Variants in TMEM108 observed in about 807,000 individuals in gnomAD.
The protein encoded by TMEM108 is cancer/testis antigen 124.
Under a neutral mutation model 35.1 loss-of-function variants are expected in TMEM108, and 12 were observed. The observed-to-expected ratio is 0.34, with a 90% CI of 0.22 to 0.55. TMEM108 has a LOEUF of 0.55. Among genes scored for constraint, TMEM108 ranks in the 20% least tolerant of loss-of-function variants. The pLI, the probability that TMEM108 is intolerant of heterozygous loss-of-function variation, is 0.89. For synonymous variants in TMEM108, 287 were observed against 308.6 expected (o/e 0.93, Z 0.73); for missense variants, 680 against 753.3 (o/e 0.90, Z 1.14).
At chr3:133,360,218 C>T (rs1215768806) in intron 3 of TMEM108, among the ~76,000 whole-genome samples, 1 of 151,998 alleles carries the variant, frequency 6.6e-6, no homozygotes, top group Non-Finnish European at 1.5e-5. Flanking sequence ...TGTAAAGGGA[C>T]ACAAGGGAAC....
At chr3:133,225,936 G>A (rs1946063824) in intron 2 of TMEM108, among the ~76,000 whole-genome samples, 1 of 152,200 alleles carries the variant, frequency 6.6e-6, no homozygotes, top group Admixed American at 6.5e-5. Context: ...CACAGTCTCA[G>A]GAGGTCCTTA....
chr3:133,362,040 G>A (rs529305804), intron 3 of TMEM108, among the ~76,000 whole-genome samples: 6 of 152,170 alleles, frequency 3.9e-5, no homozygotes, highest in Admixed American at 3.3e-4. Flanking sequence ...TCTATAATTA[G>A]CATTATTAGT....
chr3:133,315,559 G>A (rs1576451261), intron 3 of TMEM108, among the ~76,000 whole-genome samples: 1 of 152,152 alleles, frequency 6.6e-6, no homozygotes, highest in African/African-American at 2.4e-5. Context: ...CAGACAAGAT[G>A]GGGACACTAA....
chr3:133,084,993 G>A (rs1188356490), intron 2 of TMEM108, among the ~76,000 whole-genome samples: 2 of 152,166 alleles, frequency 1.3e-5, no homozygotes, highest in African/African-American at 4.8e-5. Flanking sequence ...CCAGACAGTC[G>A]TCTTCACTAA....
At chr3:133,187,845 T>G (rs1945442247) in intron 2 of TMEM108, among the ~76,000 whole-genome samples, 1 of 146,824 alleles carries the variant, frequency 6.8e-6, no homozygotes, top group African/African-American at 2.5e-5. Context: ...CCTTCTAGAT[T>G]GCTTTAAACT....
rs1022144366 is a variant in TMEM108, at chr3:133,346,330, T to C, written c.41-33422T>C. On this transcript the variant is annotated intron_variant, in intron 3 of 5. Coordinates refer to ENST00000321871, the MANE Select transcript of TMEM108 (RefSeq NM_023943.4). This position sits in a 1 kb window ranked among gnomAD's most constrained non-coding sequence, Gnocchi z 4.0. ...TATCAGTTTTGTTTTGTTTTTGTTT[T>C]TGTTTTTGTTTTGGATTTTAGCCAT... 6.6e-6 allele frequency among the ~76,000 whole-genome samples: 1 copy of C among 152,022 alleles called. No homozygotes were observed. Among genetic ancestry groups the C allele is most frequent in the Non-Finnish European group, 1.5e-5 (1 of 67,908 alleles).
chr3:133,097,178 C>G (rs987530967), intron 2 of TMEM108, among the ~76,000 whole-genome samples: 1 of 152,206 alleles, frequency 6.6e-6, no homozygotes, highest in Non-Finnish European at 1.5e-5. Context: ...GTTAATATCT[C>G]TGCATCTGTG....
Position 133,381,056 on chromosome 3 carries a change from C to T in TMEM108, c.1345C>T (p.His449Tyr). The T allele has an allele frequency of 6.2e-7, 1 of 1,614,232 alleles. No homozygotes were observed. Among genetic ancestry groups the T allele is most frequent in the South Asian group, 1.1e-5 (1 of 91,086 alleles). The change falls in exon 4 of 6, where the codon CAT becomes TAT. Residue 449 changes from histidine to tyrosine, a missense_variant. Physicochemically the swap from His to Tyr is moderately conservative, Grantham distance 83. This residue lies in a region of TMEM108 where 526 missense variants were observed against 532.1 expected (regional missense o/e 0.99). Coordinates refer to ENST00000321871, the MANE Select transcript of TMEM108 (RefSeq NM_023943.4). ...GCCTGGGACAGCAGGGAACATCTCC[C>T]ATGTGGCCGAGGGGGACAAACCGCA... is the stretch of plus-strand genomic sequence containing the variant. ...WKPGTAGNIS[H>Y]VAEGDKPQHR... is the part of the protein sequence containing the mutation.
intron 3 of TMEM108, among the ~76,000 whole-genome samples, chr3:133,368,872 AAGAACTCAC>A (rs1294476291): frequency 2.0e-5 from 3 of 152,204 alleles, no homozygotes; most frequent in African/African-American, 4.8e-5. Flanking sequence ...GGCTCCGTTC[AAGAACTCAC>A]AGCCCCATGG....
chr3:133,109,329 C>A (rs1051438080), intron 2 of TMEM108, among the ~76,000 whole-genome samples: 1 of 152,218 alleles, frequency 6.6e-6, no homozygotes, highest in South Asian at 2.1e-4. Context: ...GAACTATCTT[C>A]ATCAAATTTG....
chr3:133,071,206 G>A (rs903745650), intron 2 of TMEM108, among the ~76,000 whole-genome samples: 2 of 152,176 alleles, frequency 1.3e-5, no homozygotes, highest in African/African-American at 4.8e-5. Context: ...GTATCACAGA[G>A]TGGGTGGCTT....
chr3:133,130,161 CTGT>C (rs769912925), intron 2 of TMEM108, among the ~76,000 whole-genome samples: 3 of 152,044 alleles, frequency 2.0e-5, no homozygotes, highest in Non-Finnish European at 4.4e-5. Context: ...TTAAGAAATC[CTGT>C]TGTTTGGGCT....
intron 2 of TMEM108, among the ~76,000 whole-genome samples, chr3:133,180,262 C>T (rs1450629150): frequency 6.6e-6 from 1 of 152,016 alleles, no homozygotes; most frequent in African/African-American, 2.4e-5. Flanking sequence ...GAAGAACTTC[C>T]AACTGACCAG....
chr3:133,363,443 GCT>G (rs2072415407), intron 3 of TMEM108, among the ~76,000 whole-genome samples: 1 of 149,042 alleles, frequency 6.7e-6, no homozygotes, highest in African/African-American at 2.5e-5. Context: ...ACAGGATCTT[GCT>G]CTGTCATCCA....
chr3:133,183,351 T>A (rs1191306290), intron 2 of TMEM108, among the ~76,000 whole-genome samples: 2 of 152,186 alleles, frequency 1.3e-5, no homozygotes, highest in African/African-American at 4.8e-5. Flanking sequence ...TAAGTCACAG[T>A]GGCCTTAGTA....
intron 3 of TMEM108, chr3:133,247,859 T>G (rs1257265858): frequency 6.6e-6 from 1 of 152,118 alleles, no homozygotes; most frequent in African/African-American, 2.4e-5. Context: ...TAGAAAACTG[T>G]GGTACAAATG....
chr3:133,333,219 T>C (rs2071419975), intron 3 of TMEM108, among the ~76,000 whole-genome samples: 1 of 152,174 alleles, frequency 6.6e-6, no homozygotes, highest in African/African-American at 2.4e-5. Context: ...CCTTGGATGT[T>C]CTTTCTCTCC....
intron 2 of TMEM108, among the ~76,000 whole-genome samples, chr3:133,053,780 T>C (rs943611555): frequency 3.9e-5 from 6 of 152,214 alleles, no homozygotes; most frequent in South Asian, 2.1e-4. Context: ...TACTTTTAGA[T>C]CATTAATGTG....
intron 2 of TMEM108, among the ~76,000 whole-genome samples, chr3:133,094,218 C>A: frequency 1.1e-5 from 1 of 90,960 alleles, no homozygotes; most frequent in African/African-American, 3.9e-5. Context: ...CTTCCCACCT[C>A]CCACCCCACC....
Sources: allele counts gnomAD v4.1 joint callset (sites outside exome capture counted in the v4.1 genomes callset), GRCh38; gene constraint gnomAD v4.1.1; regional missense constraint gnomAD v4.1.1; non-coding constraint Gnocchi (gnomAD v3.1); transcripts MANE v1.5; gene names NCBI Gene and HGNC (gene_info 2026-07-23, HGNC 2026-07-21).